The following RANBP2 variants were observed in gnomAD, a reference collection of about 807,000 sequenced individuals.
RANBP2 encodes the protein E3 SUMO-protein ligase RanBP2.
RANBP2 carries 57 observed loss-of-function variants against 303.6 expected under a neutral mutation model. The observed-to-expected ratio is 0.19, with a 90% CI of 0.15 to 0.23. The LOEUF is 0.23. Among genes scored for constraint, RANBP2 ranks in the 10% least tolerant of loss-of-function variants. The pLI, the probability that RANBP2 is intolerant of heterozygous loss-of-function variation, is 1.00. For missense variants in RANBP2, 3,138 were observed against 3,780.8 expected (o/e 0.83, Z 4.46); for synonymous variants, 1,167 against 1,301.5 (o/e 0.90, Z 2.23).
At chr2:109,133,860 G>A in the RANBP2 span, among the ~76,000 whole-genome samples, 1 of 152,084 alleles carries the variant, frequency 6.6e-6, no homozygotes, top group Non-Finnish European at 1.5e-5. Context: ...ATAAGCACAG[G>A]CTTCCCCAGG....
the RANBP2 span, among the ~76,000 whole-genome samples, chr2:108,978,061 C>G: frequency 0.025 from 3,865 of 152,280 alleles, 95 homozygotes; most frequent in African/African-American, 0.063. Flanking sequence ...TTCCTTCTCC[C>G]GACAAATGGC....
chr2:109,284,175 G>A, the RANBP2 span, among the ~76,000 whole-genome samples: 1 of 152,208 alleles, frequency 6.6e-6, no homozygotes, highest in Non-Finnish European at 1.5e-5. Context: ...CCCAGGGGAA[G>A]GGGGTTGGGG....
At chr2:109,572,809 G>T in the RANBP2 span, among the ~76,000 whole-genome samples, 1 of 151,592 alleles carries the variant, frequency 6.6e-6, no homozygotes, top group Non-Finnish European at 1.5e-5. Context: ...TAGAGACAAG[G>T]TTTCACTATG....
the RANBP2 span, among the ~76,000 whole-genome samples, chr2:108,900,947 G>C: frequency 6.6e-6 from 1 of 152,210 alleles, no homozygotes; most frequent in African/African-American, 2.4e-5. Context: ...AATTATAGTT[G>C]AAGACTTTAA....
chr2:109,565,754 C>T, the RANBP2 span: 4 of 1,609,230 alleles, frequency 2.5e-6, no homozygotes, highest in Middle Eastern at 1.7e-4. Flanking sequence ...CATCCTTTGT[C>T]TCATTTACCT....
chr2:109,090,308 CCTCACACACACACA>C, the RANBP2 span, among the ~76,000 whole-genome samples: 2 of 132,732 alleles, frequency 1.5e-5, no homozygotes, highest in Non-Finnish European at 3.2e-5. Context: ...GGACACCTCG[CCTCACACACACACA>C]CACACACACA....
the RANBP2 span, among the ~76,000 whole-genome samples, chr2:109,169,008 G>A: frequency 1.8e-3 from 271 of 152,314 alleles, no homozygotes; most frequent in African/African-American, 5.6e-3. Flanking sequence ...CAGCTCATGA[G>A]TTTGCCTAAC....
intron 7 of RANBP2, among the ~76,000 whole-genome samples, chr2:108,741,528 T>G (rs1394803404): frequency 1.2e-5 from 1 of 80,180 alleles, no homozygotes; most frequent in East Asian, 5.1e-4. Flanking sequence ...TTTTTTGAGA[T>G]GGAATCTTGC....
chr2:109,675,506 AC>A, the RANBP2 span, among the ~76,000 whole-genome samples: 1 of 151,912 alleles, frequency 6.6e-6, no homozygotes, highest in Admixed American at 6.6e-5. Context: ...ACATAGTGAA[AC>A]CCCGTCTCTA....
At chr2:109,760,956 T>C in the RANBP2 span, among the ~76,000 whole-genome samples, 30,197 of 96,740 alleles carry the variant, frequency 0.31, 6,130 homozygotes, top group African/African-American at 0.5. Flanking sequence ...GCCGCCTGCC[T>C]GTCTGTTTCC....
chr2:108,782,200 C>T lies in RANBP2; in HGVS notation c.8833C>T (p.Arg2945Trp), dbSNP rs1228473992. Residue 2945 changes from arginine (R) to tryptophan (W), a missense_variant, in exon 27 of 29, where the codon CGG becomes TGG. Arg to Trp is a moderately radical substitution (Grantham distance 101, BLOSUM62 -3). Coordinates refer to ENST00000283195, the MANE Select transcript of RANBP2 (RefSeq NM_006267.5). Reference sequence around the variant, plus strand: ...GAGAGCCAAACTTTATAGATGGGATCGGGATGTCAGTCAGTGGAAGGAGCG... The same window carrying T: ...GAGAGCCAAACTTTATAGATGGGATTGGGATGTCAGTCAGTGGAAGGAGCG... Reference protein sequence around the residue: ...KERAKLYRWDRDVSQWKERGV... With the variant: ...KERAKLYRWDWDVSQWKERGV... 6 of 1,613,918 alleles carry T rather than the reference C, an allele frequency of 3.7e-6. No homozygotes were observed. Among genetic ancestry groups the T allele is most frequent in the Non-Finnish European group, 5.1e-6 (6 of 1,179,998 alleles).
At chr2:108,913,774 C>A in the RANBP2 span, among the ~76,000 whole-genome samples, 1 of 151,946 alleles carries the variant, frequency 6.6e-6, no homozygotes, top group Non-Finnish European at 1.5e-5. Context: ...CACAGGGAAA[C>A]CCCGTCTCTA....
chr2:109,489,776 C>T, the RANBP2 span, among the ~76,000 whole-genome samples: 1 of 152,090 alleles, frequency 6.6e-6, no homozygotes, highest in East Asian at 1.9e-4. Flanking sequence ...CTCGCTCTGT[C>T]ACCCAGGCTG....
chr2:109,625,118 GAAAGA>G, the RANBP2 span, among the ~76,000 whole-genome samples: 1 of 134,590 alleles, frequency 7.4e-6, no homozygotes, highest in African/African-American at 2.7e-5. Flanking sequence ...GAAAAGAAAA[GAAAGA>G]AAAGAAAAAG....
At chr2:109,235,048 C>T in the RANBP2 span, among the ~76,000 whole-genome samples, 1 of 152,162 alleles carries the variant, frequency 6.6e-6, no homozygotes, top group East Asian at 1.9e-4. Flanking sequence ...CCCAGTAGGC[C>T]ATCATGTTCT....
At chr2:109,325,736 G>A in the RANBP2 span, among the ~76,000 whole-genome samples, 2 of 152,154 alleles carry the variant, frequency 1.3e-5, no homozygotes, top group Admixed American at 1.3e-4. Context: ...TCCTTGGAAT[G>A]TCCTGCAGAC....
chr2:109,644,380 T>C, the RANBP2 span, among the ~76,000 whole-genome samples: 17 of 152,272 alleles, frequency 1.1e-4, no homozygotes, highest in African/African-American at 3.8e-4. Flanking sequence ...GCAATTTCCC[T>C]GTGTTGATGA....
At chr2:109,669,284 A>C in the RANBP2 span, among the ~76,000 whole-genome samples, 2 of 152,354 alleles carry the variant, frequency 1.3e-5, no homozygotes, top group East Asian at 3.9e-4. Context: ...TTTTTGGTTT[A>C]AGACTTCAAA....
Position 108,766,841 on chromosome 2 carries a change from C to T in RANBP2, c.6302C>T (p.Ser2101Leu). The change falls in exon 20 of 29, where the codon TCA becomes TTA. Residue 2101 changes from serine (S) to leucine (L), a missense_variant. Physicochemically the swap from Ser to Leu is moderately radical, Grantham distance 145 (BLOSUM62 -2). Coordinates refer to ENST00000283195, the MANE Select transcript of RANBP2 (RefSeq NM_006267.5). ...TTMNLKPLSGSDRAWMWLASD... is the reference protein window; with the variant it reads ...TTMNLKPLSGLDRAWMWLASD... Reference sequence around the variant, plus strand: ...ATGAACCTGAAGCCTCTCTCTGGATCAGATAGAGCATGGATGTGGTTAGCC... The same window carrying T: ...ATGAACCTGAAGCCTCTCTCTGGATTAGATAGAGCATGGATGTGGTTAGCC... 1 of 1,611,832 alleles carries T rather than the reference C, an allele frequency of 6.2e-7. No individual in the cohort carries two copies. Among genetic ancestry groups the T allele is most frequent in the Non-Finnish European group, 8.5e-7 (1 of 1,179,872 alleles).
Sources: allele counts gnomAD v4.1 joint callset (sites outside exome capture counted in the v4.1 genomes callset), GRCh38; gene constraint gnomAD v4.1.1; transcripts MANE v1.5; gene names NCBI Gene and HGNC (gene_info 2026-07-23, HGNC 2026-07-21).